Variants in MLKL observed in about 807,000 individuals in gnomAD.
The protein encoded by MLKL is mixed lineage kinase domain-like protein.
In MLKL, 55 loss-of-function variants were observed where a neutral mutation model predicts 56.5. The observed-to-expected ratio is 0.97, with a 90% CI of 0.78 to 1.22. The LOEUF is 1.22. Among genes scored for constraint, MLKL ranks in the 50% most tolerant of loss-of-function variants. The pLI, the probability that MLKL is intolerant of heterozygous loss-of-function variation, is 0.00. For missense variants in MLKL, 694 were observed against 573.9 expected (o/e 1.21, Z -2.14); for synonymous variants, 251 against 208.3 (o/e 1.20, Z -1.76).
intron 6 of MLKL, 81 bp from the exon 7 acceptor site, chr16:74,679,061 G>A: frequency 8.9e-7 from 1 of 1,128,066 alleles, no homozygotes; most frequent in East Asian, 2.4e-5. Context: ...CTGGGCTGAT[G>A]AGGCTGGACA....
chr16:74,688,606 C>T (rs959329782), intron 4 of MLKL, among the ~76,000 whole-genome samples: 2 of 151,842 alleles, frequency 1.3e-5, no homozygotes, highest in Non-Finnish European at 2.9e-5. Flanking sequence ...TCCAGCTACT[C>T]GGGAGGCTGA....
At position 74,672,223 on chromosome 16, in the gene MLKL, A is replaced by G. The variant is rs2144431400; in HGVS notation, c.*281T>C. The G allele has an allele frequency of 3.0e-6, 1 of 328,666 alleles. No homozygotes were observed. Among genetic ancestry groups the G allele is most frequent in the African/African-American group, 2.1e-5 (1 of 47,834 alleles). 20.4% of individuals were successfully genotyped at this position (328,666 alleles called of 1,614,324 possible). ...GAAAGAGACTTCATTTATGGAAGGG[A>G]GGAGCTGCAAATTTCATTGCCAAGA... On this transcript the variant is annotated 3_prime_UTR_variant, in exon 11 of 11. Transcript: ENST00000308807.
chr16:74,699,971 G>C (rs1461756791), intron 1 of MLKL, among the ~76,000 whole-genome samples: 1 of 151,738 alleles, frequency 6.6e-6, no homozygotes, highest in Non-Finnish European at 1.5e-5. Context: ...AGAAAAAGGG[G>C]ATTATGTTCA....
At chr16:74,676,958 G>T (rs1264179187) in intron 7 of MLKL, 1 of 152,210 alleles carries the variant, frequency 6.6e-6, no homozygotes, top group Non-Finnish European at 1.5e-5. Context: ...ACTGCTGATT[G>T]TTAGATTGCT....
At chr16:74,685,735 C>CAT (rs1960287385) in intron 4 of MLKL, 152 bp from the exon 5 acceptor site, 3 of 641,312 alleles carry the variant, frequency 4.7e-6, no homozygotes, top group Non-Finnish European at 8.4e-6. Context: ...CTGATAACAA[C>CAT]ATGTGGAACC....
intron 1 of MLKL, among the ~76,000 whole-genome samples, chr16:74,699,144 G>A (rs1470550397): frequency 6.6e-6 from 1 of 151,874 alleles, no homozygotes; most frequent in Non-Finnish European, 1.5e-5. Flanking sequence ...AAAAAAGAAA[G>A]AAAGAAAATT....
chr16:74,674,673 C>A (rs189855474), intron 10 of MLKL, among the ~76,000 whole-genome samples: 8 of 152,166 alleles, frequency 5.3e-5, no homozygotes, highest in Non-Finnish European at 7.4e-5. Flanking sequence ...AAACTCCTAA[C>A]CTCAAGTGAT....
At chr16:74,695,200 A>G (rs1960952953) in intron 2 of MLKL, 98 bp downstream of exon 2, 2 of 1,301,266 alleles carry the variant, frequency 1.5e-6, no homozygotes, top group South Asian at 1.3e-5. Flanking sequence ...GTATATTACA[A>G]CTGCTCAAAC....
At chr16:74,695,074 G>A (rs530866914) in intron 2 of MLKL, among the ~76,000 whole-genome samples, 10 of 152,120 alleles carry the variant, frequency 6.6e-5, no homozygotes, top group Non-Finnish European at 1.3e-4. Context: ...GGGTTTCACC[G>A]TGTTAGCCAG....
At chr16:74,679,476 A>G (rs1479181057) in intron 6 of MLKL, among the ~76,000 whole-genome samples, 1 of 152,172 alleles carries the variant, frequency 6.6e-6, no homozygotes, top group African/African-American at 2.4e-5. Context: ...GAAGCAGATC[A>G]TGAGCCATGA....
chr16:74,684,990 G>A (rs546063752), intron 5 of MLKL, among the ~76,000 whole-genome samples: 13 of 152,122 alleles, frequency 8.5e-5, no homozygotes, highest in East Asian at 5.8e-4. Flanking sequence ...TCAGCCTCCC[G>A]AGTAGCTGGG....
intron 2 of MLKL, among the ~76,000 whole-genome samples, chr16:74,694,821 C>A (rs985086913): frequency 3.9e-5 from 6 of 152,032 alleles, no homozygotes; most frequent in African/African-American, 1.5e-4. Context: ...TTTCACCAGC[C>A]CCCACCATAT....
Position 74,672,511 on chromosome 16 carries a change from G to C in MLKL, c.1409C>G (p.Ser470Cys). 1 of 1,613,928 alleles carries C rather than the reference G, an allele frequency of 6.2e-7. No individual in the cohort carries two copies. The highest frequency in any genetic ancestry group is 8.5e-7 in the Non-Finnish European group (1 of 1,179,860). The change falls in exon 11 of 11, where the codon TCT becomes TGT. Residue 470 changes from serine (S) to cysteine (C), a missense_variant. Physicochemically the swap from Ser to Cys is moderately radical, Grantham distance 112. Coordinates refer to ENST00000308807, the MANE Select transcript of MLKL (RefSeq NM_152649.4). ...GGTTTAGATTTTGATACACTACTTA[G>C]AAAAGGTGGAGAGTTTCTTTAAGAT... ...DEILKKLSTF[S>C]K is the part of the protein sequence containing the mutation.
chr16:74,674,908 A>C (rs978828780), intron 10 of MLKL, 52 bp downstream of exon 10: 38 of 1,577,310 alleles, frequency 2.4e-5, no homozygotes, highest in Non-Finnish European at 3.0e-5. Context: ...AATCTTTCAC[A>C]AGTGTGAAAT....
chr16:74,691,402 C>G lies in MLKL; in HGVS notation c.597G>C (p.Glu199Asp). ...PQEQIKEIKK[E>D]QLSGSPWILL... ...GAATCCACGGGGATCCTGAAAGCTG[C>G]TCCTTCTTGATCTCCTTGATTTGCT... Residue 199 changes from glutamate to aspartate, a missense_variant, in exon 4 of 11, where the codon GAG (glutamate) becomes GAC (aspartate). Glu to Asp is a conservative substitution (Grantham distance 45). Coordinates refer to ENST00000308807, the MANE Select transcript of MLKL (RefSeq NM_152649.4). 6.2e-7 allele frequency: 1 copy of G among 1,613,928 alleles called. No homozygotes were observed. The highest frequency in any genetic ancestry group is 8.5e-7 in the Non-Finnish European group (1 of 1,179,960).
At chr16:74,690,861 A>G (rs753693420) in intron 4 of MLKL, among the ~76,000 whole-genome samples, 45 of 151,362 alleles carry the variant, frequency 3.0e-4, no homozygotes, top group Non-Finnish European at 6.0e-4. Context: ...TAAGGAGTCC[A>G]GATATGGAAC....
At chr16:74,681,217 G>A (rs1373817024) in intron 6 of MLKL, among the ~76,000 whole-genome samples, 1 of 151,888 alleles carries the variant, frequency 6.6e-6, no homozygotes, top group Non-Finnish European at 1.5e-5. Context: ...GTAAAAACAG[G>A]GTTTCGCCAC....
At chr16:74,681,442 C>A (rs1409655445) in intron 6 of MLKL, among the ~76,000 whole-genome samples, 1 of 152,060 alleles carries the variant, frequency 6.6e-6, no homozygotes, top group East Asian at 1.9e-4. Flanking sequence ...CTTTGGGGAC[C>A]CTTGGGACTA....
In MLKL at chr16:74,700,641, C is replaced by T. The variant is rs1003146675; in HGVS notation, c.-191G>A. ...CCTGCACTCTGCTGACTGTACCGGA[C>T]GCCACACGTGGCTGGCGGCGACAAG... On this transcript the variant is annotated 5_prime_UTR_variant, in exon 1 of 11. Transcript: ENST00000308807. 2.0e-5 allele frequency: 3 copies of T among 152,430 alleles called. No individual in the cohort carries two copies. Among genetic ancestry groups the T allele is most frequent in the Non-Finnish European group, 4.4e-5 (3 of 68,186 alleles). 9.4% of individuals were successfully genotyped at this position (152,430 alleles called of 1,614,324 possible). A position where few individuals can be genotyped will look rare whatever the true frequency, so the allele number is the denominator to read the frequency against.
Sources: allele counts gnomAD v4.1 joint callset (sites outside exome capture counted in the v4.1 genomes callset), GRCh38; gene constraint gnomAD v4.1.1; transcripts MANE v1.5; gene names NCBI Gene and HGNC (gene_info 2026-07-23, HGNC 2026-07-21).